GPR179: variants seen among roughly 807,000 people sequenced by gnomAD.
GPR179 encodes G protein-coupled receptor 179, also known as probable G protein-coupled receptor 179.
A neutral mutation model predicts 70.8 loss-of-function variants in GPR179; 52 were observed. The ratio of observed to expected loss-of-function variants is 0.73; its 90% CI spans 0.59 to 0.93. The LOEUF (loss-of-function observed/expected upper bound fraction) is 0.93. Among genes scored for constraint, GPR179 ranks in the 40% least tolerant of loss-of-function variants. The pLI, the probability that GPR179 is intolerant of heterozygous loss-of-function variation, is 0.00. For synonymous variants in GPR179, 1,123 were observed against 1,169.0 expected (o/e 0.96, Z 0.80); for missense variants, 2,734 against 2,966.8 (o/e 0.92, Z 1.82).
At chr17:38,331,615 C>T in intron 10 of GPR179, 84 bp from the exon 11 acceptor site, 10 of 1,511,526 alleles carry the variant, frequency 6.6e-6, no homozygotes, top group Non-Finnish European at 8.0e-6. Context: ...CTTGCCTAGA[C>T]CTTTTTCCCT....
In GPR179 at chr17:38,328,084, T is replaced by A; in HGVS notation, c.5485A>T (p.Lys1829Ter). 1 of 1,614,114 alleles carries A rather than the reference T, an allele frequency of 6.2e-7. No individual in the cohort carries two copies. Among genetic ancestry groups the A allele is most frequent in the South Asian group, 1.1e-5 (1 of 91,074 alleles). The stretch of plus-strand genomic sequence containing the variant: ...CTCCCTGCCTTTTGGTCCAATCCCT[T>A]CCCAGTAGTTCCTTCACTTACCTCC... ...PWEVSEGTTG[K>*]GLDQKAGSES... Residue 1829 changes from lysine (K) to a stop codon, truncating the protein, a stop_gained, in exon 11 of 11, where the codon AAG becomes TAG. Transcript: ENST00000616987. LOFTEE classifies it low-confidence loss of function (END_TRUNC).
intron 5 of GPR179, 88 bp downstream of exon 5, chr17:38,335,988 C>T (rs942807665): frequency 2.2e-6 from 2 of 927,162 alleles, no homozygotes; most frequent in African/African-American, 1.6e-5. Context: ...TTCCAGAGGG[C>T]AGAGAAGGGT....
chr17:38,335,760 A>G (rs1023998898), intron 5 of GPR179, 60 bp from the exon 6 acceptor site: 1 of 1,105,638 alleles, frequency 9.0e-7, no homozygotes, highest in African/African-American at 1.5e-5. Context: ...GGCCAGGCCT[A>G]TGCTAAGCAC....
At chr17:38,341,283 T>C (rs537407537) in intron 1 of GPR179, among the ~76,000 whole-genome samples, 2 of 152,332 alleles carry the variant, frequency 1.3e-5, no homozygotes, top group South Asian at 4.1e-4. Context: ...ACAGGGCGCA[T>C]GTCAAGACAT....
chr17:38,337,662 G>GTCACCTTC lies in GPR179; in HGVS notation c.961_962insGAAGGTGA (p.Pro321ArgfsTer3). The GTCACCTTC allele has an allele frequency of 6.3e-7, 1 of 1,598,630 alleles. No individual in the cohort carries two copies. Among genetic ancestry groups the GTCACCTTC allele is most frequent in the East Asian group, 2.3e-5 (1 of 42,968 alleles). ...AGAGGGGCTTGCCCCGTAGAATCCA[G>GTCACCTTC]GTCGGCAGCGGCAGAGGTAGCGGCC... On this transcript the variant is annotated stop_gained and frameshift_variant, in exon 3 of 11. Coordinates refer to ENST00000616987, the MANE Select transcript of GPR179 (RefSeq NM_001004334.4). LOFTEE classifies it high-confidence loss of function.
At position 38,327,863 on chromosome 17, in the gene GPR179, C is replaced by T. The variant is rs1377436041; in HGVS notation, c.5706G>A (p.Val1902=). Reference sequence around the variant, plus strand: ...TTGCTTCCAAGGAATGTCCCTCTGCCACTTCACTACTCATGCTGCTGGGCA... The same window carrying T: ...TTGCTTCCAAGGAATGTCCCTCTGCTACTTCACTACTCATGCTGCTGGGCA... ...SDLPSSMSSE[V]AEGHSLEATE... is the part of the protein sequence containing the mutation. Residue 1902 remains valine, a synonymous_variant, in exon 11 of 11, where the codon GTG becomes GTA. Transcript: ENST00000616987. The T allele has an allele frequency of 4.3e-6, 7 of 1,614,096 alleles. No homozygotes were observed. The highest frequency in any genetic ancestry group is 2.2e-5 in the East Asian group (1 of 44,898).
In GPR179 at chr17:38,334,932, C is replaced by A; in HGVS notation, c.1646-90G>T. ...AAAGATGTGCTGGGGGGAGCCTGGG[C>A]TCGGGGTCTGGGGACAAGTCAGGAG... On this transcript the variant is annotated intron_variant, in intron 7 of 10. Transcript: ENST00000616987. The surrounding 1 kb of genome is among the most constrained non-coding windows in gnomAD (Gnocchi z 4.7). 1 of 1,594,506 alleles carries A rather than the reference C, an allele frequency of 6.3e-7. No homozygotes were observed. Among genetic ancestry groups the A allele is most frequent in the Non-Finnish European group, 8.6e-7 (1 of 1,166,358 alleles).
At chr17:38,332,278 G>A (rs1276000429) in intron 10 of GPR179, among the ~76,000 whole-genome samples, 2 of 152,108 alleles carry the variant, frequency 1.3e-5, no homozygotes, top group Admixed American at 6.5e-5. Flanking sequence ...CAGTAGAGGT[G>A]GAGGGGGTGG....
chr17:38,342,984 A>G lies in GPR179; in HGVS notation c.794+12T>C. 6.3e-7 allele frequency: 1 copy of G among 1,583,522 alleles called. No individual in the cohort carries two copies. Among genetic ancestry groups the G allele is most frequent in the Non-Finnish European group, 8.6e-7 (1 of 1,164,048 alleles). ...CCCACACATGCATCAAATCCTGCAC[A>G]AACCCACTTACCTGACTTCTGGGCT... On this transcript the variant is annotated intron_variant, in intron 1 of 10. Coordinates refer to ENST00000616987, the MANE Select transcript of GPR179 (RefSeq NM_001004334.4).
rs758454499 is a variant in GPR179 at position 38,333,268 on chromosome 17, C to G, written c.2020G>C (p.Asp674His). ...GCACATACCCGAATGTCTCCAGGGTCCAGGCTGTGCTCACTCCAGGCTGAG... is the reference window on the plus strand; with the variant it reads ...GCACATACCCGAATGTCTCCAGGGTGCAGGCTGTGCTCACTCCAGGCTGAG... ...IASAWSEHSL[D>H]PGDIRDELKK... Residue 674 changes from aspartate to histidine, a missense_variant, in exon 10 of 11, where the codon GAC becomes CAC. Asp to His is a moderately conservative substitution (Grantham distance 81, BLOSUM62 -1). Transcript: ENST00000616987. 1.2e-6 allele frequency: 2 copies of G among 1,614,028 alleles called. No individual in the cohort carries two copies. Among genetic ancestry groups the G allele is most frequent in the East Asian group, 2.2e-5 (1 of 44,868 alleles).
At chr17:38,339,075 G>A (rs894936649) in intron 2 of GPR179, among the ~76,000 whole-genome samples, 14 of 152,172 alleles carry the variant, frequency 9.2e-5, no homozygotes, top group South Asian at 8.3e-4. Context: ...ATGTGTTCCC[G>A]GGGGAAGGAA....
At chr17:38,336,287 C>A in intron 4 of GPR179, 143 bp from the exon 5 acceptor site, 1 of 679,530 alleles carries the variant, frequency 1.5e-6, no homozygotes, top group Non-Finnish European at 2.7e-6. Flanking sequence ...CCCACATCCA[C>A]GTCCCTTGTT....
chr17:38,327,017 A>G lies in GPR179; in HGVS notation c.6552T>C (p.Pro2184=). Residue 2184 remains proline, a synonymous_variant, in exon 11 of 11, where the codon CCT becomes CCC. Coordinates refer to ENST00000616987, the MANE Select transcript of GPR179 (RefSeq NM_001004334.4). ...AKPREQEAVC[P]GEGTGSGGLL... ...GCCCTCCTGAGCCTGTGCCTTCCCC[A>G]GGGCAGACTGCCTCCTGCTCTCTGG... is the stretch of plus-strand genomic sequence containing the variant. The G allele has an allele frequency of 6.2e-7, 1 of 1,614,182 alleles. No individual in the cohort carries two copies. Among genetic ancestry groups the G allele is most frequent in the Non-Finnish European group, 8.5e-7 (1 of 1,180,040 alleles).
In GPR179 at chr17:38,343,116, T is replaced by A; in HGVS notation, c.674A>T (p.Gln225Leu). ...GAAAGGAGGAGACAGCCTCACCTGC[T>A]GCGTGTCCCCCACATATCCATCTGC... ...PQADGYVGDT[Q>L]QVRLSPPFLE... is the part of the protein sequence containing the mutation. Residue 225 changes from glutamine to leucine, a missense_variant, in exon 1 of 11, where the codon CAG (glutamine) becomes CTG (leucine). By Grantham distance (113) the Gln-to-Leu change is moderately radical. Transcript: ENST00000616987. This position sits in a 1 kb window ranked among gnomAD's most constrained non-coding sequence, Gnocchi z 4.2. 1 of 1,614,196 alleles carries A rather than the reference T, an allele frequency of 6.2e-7. No homozygotes were observed. The highest frequency in any genetic ancestry group is 8.5e-7 in the Non-Finnish European group (1 of 1,180,018).
chr17:38,333,928 C>T lies in GPR179; in HGVS notation c.1890+5G>A. ...CACCTCACAGGCAGGAGGGGAGGGC[C>T]TCACCTTAGGGATGAAGATCAGAGC... On this transcript the variant is annotated splice_donor_5th_base_variant and intron_variant, in intron 9 of 10. Coordinates refer to ENST00000616987, the MANE Select transcript of GPR179 (RefSeq NM_001004334.4). The T allele has an allele frequency of 6.2e-7, 1 of 1,608,416 alleles. No individual in the cohort carries two copies.
At position 38,333,329 on chromosome 17, in the gene GPR179, C is replaced by T; in HGVS notation, c.1959G>A (p.Leu653=). ...VDEVCEDELD[L]QHSGSYLGSS... is the part of the protein sequence containing the mutation. ...TGCCAAGGTAGGAGCCTGAGTGCTGCAGGTCCAGCTCGTCCTCACACACCT... is the reference window on the plus strand; with the variant it reads ...TGCCAAGGTAGGAGCCTGAGTGCTGTAGGTCCAGCTCGTCCTCACACACCT... The change falls in exon 10 of 11, where the codon CTG becomes CTA. Residue 653 remains leucine, a synonymous_variant. Coordinates refer to ENST00000616987, the MANE Select transcript of GPR179 (RefSeq NM_001004334.4). 6.2e-7 allele frequency: 1 copy of T among 1,614,078 alleles called. No homozygotes were observed. The highest frequency in any genetic ancestry group is 1.1e-5 in the South Asian group (1 of 91,066).
In GPR179 at chr17:38,329,339, C is replaced by T; in HGVS notation, c.4230G>A (p.Arg1410=). The stretch of plus-strand genomic sequence containing the variant: ...TCTGTTCTTTCCAAAAGGTTGCTTT[C>T]CTGGTTTTCTGCTTTTCCTGAGGGA... ...KDLPQEKQKT[R]KATFWKEQKP... Residue 1410 remains arginine (R), a synonymous_variant, in exon 11 of 11, where the codon AGG becomes AGA. Transcript: ENST00000616987. The T allele has an allele frequency of 6.2e-7, 1 of 1,613,378 alleles. No individual in the cohort carries two copies. Among genetic ancestry groups the T allele is most frequent in the Non-Finnish European group, 8.5e-7 (1 of 1,179,808 alleles).
In GPR179 at chr17:38,343,094, A is replaced by G; in HGVS notation, c.696T>C (p.Pro232=). 6.2e-7 allele frequency: 1 copy of G among 1,614,180 alleles called. No homozygotes were observed. Among genetic ancestry groups the G allele is most frequent in the East Asian group, 2.2e-5 (1 of 44,884 alleles). Residue 232 remains proline (P), a synonymous_variant, in exon 1 of 11, where the codon CCT becomes CCC. Coordinates refer to ENST00000616987, the MANE Select transcript of GPR179 (RefSeq NM_001004334.4). This position sits in a 1 kb window ranked among gnomAD's most constrained non-coding sequence, Gnocchi z 4.2. The part of the protein sequence containing the change: ...GDTQQVRLSP[P]FLECQEGRLR... ...GCCGTCCCTCCTGGCATTCCAGGAAAGGAGGAGACAGCCTCACCTGCTGCG... is the reference window on the plus strand; with the variant it reads ...GCCGTCCCTCCTGGCATTCCAGGAAGGGAGGAGACAGCCTCACCTGCTGCG...
Position 38,330,521 on chromosome 17 carries a change from C to G in GPR179, c.3048G>C (p.Glu1016Asp), listed in dbSNP as rs531197523. ...CTGGGGCAGGGGAGTGGTGGCCTCG[C>G]TCTGGCCCTGAGGGGCCTTCCTGGG... is the stretch of plus-strand genomic sequence containing the variant. ...NVPQEGPSGP[E>D]RGHHSPAPAR... is the part of the protein sequence containing the mutation. The change falls in exon 11 of 11, where the codon GAG becomes GAC. Residue 1016 changes from glutamate to aspartate, a missense_variant. Glu to Asp is a conservative substitution (Grantham distance 45). Transcript: ENST00000616987. 1.3e-6 allele frequency: 2 copies of G among 1,560,388 alleles called. No individual in the cohort carries two copies. The highest frequency in any genetic ancestry group is 2.5e-5 in the South Asian group (2 of 80,446).
Sources: gnomAD v4.1 joint callset for allele counts (sites outside exome capture counted in the v4.1 genomes callset) on GRCh38, gnomAD v4.1.1 for gene constraint, Gnocchi (gnomAD v3.1) non-coding constraint, MANE v1.5 for transcripts, NCBI Gene and HGNC (gene_info 2026-07-23, HGNC 2026-07-21) for gene names.